RBPJ: variants seen among roughly 807,000 people sequenced by gnomAD.
RBPJ encodes the protein recombination signal binding protein for immunoglobulin kappa J region.
In RBPJ, 9 loss-of-function variants were observed where a neutral mutation model predicts 67.8. The ratio of observed to expected loss-of-function variants is 0.13; its 90% CI spans 0.08 to 0.23. The LOEUF (loss-of-function observed/expected upper bound fraction) is 0.23, where lower values mean the gene tolerates loss of function less well. Ranked by LOEUF, RBPJ falls within the 10% of genes least tolerant of loss-of-function variation. The pLI is 1.00. For missense variants in RBPJ, 305 were observed against 595.6 expected (o/e 0.51, Z 5.08); for synonymous variants, 198 against 203.3 (o/e 0.97, Z 0.22).
chr4:26,310,311 C>T (rs1320063364), intron 1 of RBPJ, among the ~76,000 whole-genome samples: 2 of 152,006 alleles, frequency 1.3e-5, no homozygotes, highest in Non-Finnish European at 2.9e-5. Flanking sequence ...TTGATGAACA[C>T]GTGGTAGAAA....
intron 1 of RBPJ, among the ~76,000 whole-genome samples, chr4:26,383,130 A>G (rs960333366): frequency 1.3e-5 from 2 of 152,212 alleles, no homozygotes; most frequent in Non-Finnish European, 2.9e-5. Context: ...CAGACTCAAC[A>G]GGCAAATATA....
intron 5 of RBPJ, among the ~76,000 whole-genome samples, chr4:26,422,804 A>G (rs957670025): frequency 2.0e-5 from 3 of 152,170 alleles, no homozygotes; most frequent in African/African-American, 7.2e-5. Flanking sequence ...ATCTTCATCT[A>G]TACCTGTACT....
chr4:26,111,746 T>C, the RBPJ span: 1 of 152,196 alleles, frequency 6.6e-6, no homozygotes, highest in Non-Finnish European at 1.5e-5. Flanking sequence ...AGAACCTAAA[T>C]TGGTAGTAAA....
chr4:26,144,267 C>CTTTTTTTTTTTTTTT, the RBPJ span, among the ~76,000 whole-genome samples: 1 of 106,064 alleles, frequency 9.4e-6, no homozygotes, highest in Non-Finnish European at 1.7e-5. Context: ...TAAGAAAATT[C>CTTTTTTTTTTTTTTT]TTTTTTTTTT....
Position 26,264,113 on chromosome 4 carries a change from A to C in RBPJ, c.-166-98333A>C, listed in dbSNP as rs1720635191. Among the ~76,000 whole-genome samples, 1 of 143,546 alleles carries C rather than the reference A, an allele frequency of 7.0e-6. No homozygotes were observed. Among genetic ancestry groups the C allele is most frequent in the Non-Finnish European group, 1.5e-5 (1 of 65,660 alleles). 94.2% of individuals were successfully genotyped at this position (143,546 alleles called of 152,430 possible). A position where few individuals can be genotyped will look rare whatever the true frequency, so the allele number is the denominator to read the frequency against. ...GCTGCAGGCTGGTCTTGAACTCTCG[A>C]CTCAGGTGATCCACCCAACTCAACC... On this transcript the variant is annotated intron_variant, in intron 1 of 4. Coordinates refer to the RBPJ transcript ENST00000512351. The surrounding 1 kb of genome is among the most constrained non-coding windows in gnomAD (Gnocchi z 4.1).
chr4:26,173,482 G>T (rs1716678447), intron 1 of RBPJ, among the ~76,000 whole-genome samples: 1 of 152,178 alleles, frequency 6.6e-6, no homozygotes, highest in Admixed American at 6.5e-5. Flanking sequence ...ATGCTCATAG[G>T]TGGGAGATAC....
At chr4:26,299,713 G>C (rs1421792534) in intron 1 of RBPJ, among the ~76,000 whole-genome samples, 2 of 118,942 alleles carry the variant, frequency 1.7e-5, no homozygotes, top group African/African-American at 3.3e-5. Context: ...AGTTTCGCTC[G>C]TGTTGCCTAG....
chr4:26,420,360 T>C (rs1162593910), intron 4 of RBPJ, among the ~76,000 whole-genome samples, 191 bp from the exon 5 acceptor site: 1 of 152,250 alleles, frequency 6.6e-6, no homozygotes, highest in Non-Finnish European at 1.5e-5. Flanking sequence ...ACAGACTTTA[T>C]AAGGAAGACT....
intron 1 of RBPJ, among the ~76,000 whole-genome samples, chr4:26,295,506 A>T (rs931545780): frequency 3.3e-5 from 5 of 152,146 alleles, no homozygotes; most frequent in African/African-American, 9.7e-5. Flanking sequence ...CACTAATGTG[A>T]TGGAGTGTAG....
At position 26,430,635 on chromosome 4, in the gene RBPJ, T is replaced by A; in HGVS notation, c.1149-57T>A. On this transcript the variant is annotated intron_variant, in intron 10 of 10. Transcript: ENST00000355476. This position sits in a 1 kb window ranked among gnomAD's most constrained non-coding sequence, Gnocchi z 4.1. Reference sequence around the variant, plus strand: ...AAACAACCTTGTGTTAAGTCTCATTTTTAACATGTACTTTGCTTTTTAAAG... The same window carrying A: ...AAACAACCTTGTGTTAAGTCTCATTATTAACATGTACTTTGCTTTTTAAAG... The A allele has an allele frequency of 6.3e-7, 1 of 1,577,348 alleles. No individual in the cohort carries two copies. Among genetic ancestry groups the A allele is most frequent in the Non-Finnish European group, 8.7e-7 (1 of 1,154,574 alleles).
intron 7 of RBPJ, among the ~76,000 whole-genome samples, chr4:26,425,437 C>T (rs1229531141): frequency 6.6e-6 from 1 of 151,810 alleles, no homozygotes; most frequent in Non-Finnish European, 1.5e-5. Flanking sequence ...GTCAGACCGT[C>T]TTTACCACTG....
At chr4:26,238,282 G>C (rs1314180149) in intron 1 of RBPJ, among the ~76,000 whole-genome samples, 1 of 152,160 alleles carries the variant, frequency 6.6e-6, no homozygotes, top group Admixed American at 6.5e-5. Flanking sequence ...GGCTGGTCTT[G>C]AACTTCTGGG....
intron 1 of RBPJ, 132 bp downstream of exon 1, chr4:26,321,180 C>T (rs1722998279): frequency 3.3e-6 from 1 of 302,334 alleles, no homozygotes; most frequent in African/African-American, 2.3e-5. Context: ...GTCGCGTGCG[C>T]CGAGCGCGGC....
At chr4:26,183,605 TG>T in intron 1 of RBPJ, among the ~76,000 whole-genome samples, 1 of 152,322 alleles carries the variant, frequency 6.6e-6, no homozygotes, top group Middle Eastern at 3.4e-3. Context: ...ATGGAGGTGT[TG>T]GGAAATTTTT....
chr4:26,432,704 T>C lies in RBPJ; in HGVS notation c.*1697T>C. ...CAATCATCCCTCTTAGAGTAAAAAC[T>C]ACCTCTAGATTGTGGTAAGCTTTTA... On this transcript the variant is annotated 3_prime_UTR_variant, in exon 11 of 11. Coordinates refer to ENST00000355476, the MANE Select transcript of RBPJ (RefSeq NM_015874.6). The C allele has an allele frequency of 6.6e-6, 1 of 152,212 alleles. No individual in the cohort carries two copies. Among genetic ancestry groups the C allele is most frequent in the South Asian group, 2.1e-4 (1 of 4,834 alleles). The allele number at this position is 152,212 out of a possible 1,614,324, so 9.4% of individuals were successfully genotyped here. A position where few individuals can be genotyped will look rare whatever the true frequency, so the allele number is the denominator to read the frequency against.
At chr4:26,294,431 T>C (rs537789643) in intron 1 of RBPJ, among the ~76,000 whole-genome samples, 1 of 152,244 alleles carries the variant, frequency 6.6e-6, no homozygotes, top group African/African-American at 2.4e-5. Context: ...GATGATCTGA[T>C]TTACATTTTT....
At chr4:26,221,383 C>T (rs1718905719) in intron 1 of RBPJ, among the ~76,000 whole-genome samples, 1 of 152,210 alleles carries the variant, frequency 6.6e-6, no homozygotes, top group African/African-American at 2.4e-5. Context: ...AGCCACCGTG[C>T]CCGGCCTTAA....
rs1736529799 is a variant in RBPJ at position 26,434,815 on chromosome 4, AT to A, written c.*3812del. ...GAAAATTGAGCAAGTTTATACCATA[AT>A]TTTGTAGAAAAAAAGAATCTGCTCA... On this transcript the variant is annotated 3_prime_UTR_variant, in exon 11 of 11. Coordinates refer to ENST00000355476, the MANE Select transcript of RBPJ (RefSeq NM_015874.6). The A allele has an allele frequency of 6.6e-6, 1 of 152,226 alleles. No homozygotes were observed. The highest frequency in any genetic ancestry group is 1.5e-5 in the Non-Finnish European group (1 of 68,038). 9.4% of individuals were successfully genotyped at this position (152,226 alleles called of 1,614,324 possible). A position where few individuals can be genotyped will look rare whatever the true frequency, so the allele number is the denominator to read the frequency against.
intron 1 of RBPJ, among the ~76,000 whole-genome samples, chr4:26,231,894 T>G (rs1448728732): frequency 1.3e-5 from 2 of 151,018 alleles, no homozygotes; most frequent in East Asian, 2.0e-4. Flanking sequence ...TATTTTTATT[T>G]ATTTATTTAT....
Sources: allele counts gnomAD v4.1 joint callset (sites outside exome capture counted in the v4.1 genomes callset), GRCh38; gene constraint gnomAD v4.1.1; non-coding constraint Gnocchi (gnomAD v3.1); transcripts MANE v1.5; gene names NCBI Gene and HGNC (gene_info 2026-07-23, HGNC 2026-07-21).